GOLM2: variants seen among roughly 807,000 people sequenced by gnomAD.
The protein encoded by GOLM2 is protein GOLM2.
GOLM2 carries 26 observed loss-of-function variants against 55.9 expected under a neutral mutation model. The observed-to-expected ratio is 0.47, with a 90% CI of 0.34 to 0.65. The LOEUF (loss-of-function observed/expected upper bound fraction) is 0.65, where lower values mean the gene tolerates loss of function less well. Ranked by LOEUF, GOLM2 falls within the 30% of genes least tolerant of loss-of-function variation. The probability of loss-of-function intolerance (pLI) is 0.01; values close to 1 mark genes in which losing one functional copy is unlikely to be tolerated. For missense variants in GOLM2, 486 were observed against 531.8 expected (o/e 0.91, Z 0.85); for synonymous variants, 165 against 194.6 (o/e 0.85, Z 1.27).
chr15:44,329,899 CT>C (rs777520089), intron 3 of GOLM2, among the ~76,000 whole-genome samples: 2,177 of 126,900 alleles, frequency 0.017, 17 homozygotes, highest in South Asian at 0.034. Flanking sequence ...GAGAACTTGT[CT>C]TTTTTTTTTT....
intron 8 of GOLM2, among the ~76,000 whole-genome samples, chr15:44,392,774 A>G (rs2079500039): frequency 6.6e-6 from 1 of 152,240 alleles, no homozygotes; most frequent in Non-Finnish European, 1.5e-5. Flanking sequence ...CCACATTAAC[A>G]AAATATATGA....
chr15:44,395,802 T>C (rs1288287936), intron 8 of GOLM2, among the ~76,000 whole-genome samples: 1 of 152,100 alleles, frequency 6.6e-6, no homozygotes, highest in Admixed American at 6.6e-5. Flanking sequence ...ATCACGCTAC[T>C]GCACTCCAGC....
chr15:44,351,403 C>T (rs964398995), intron 6 of GOLM2, among the ~76,000 whole-genome samples: 5 of 151,582 alleles, frequency 3.3e-5, no homozygotes, highest in Admixed American at 1.3e-4. Flanking sequence ...GGTGAAGCCC[C>T]GTCTCTACTA....
At chr15:44,316,979 G>A (rs1269371614) in intron 1 of GOLM2, among the ~76,000 whole-genome samples, 1 of 151,898 alleles carries the variant, frequency 6.6e-6, no homozygotes, top group African/African-American at 2.4e-5. Context: ...GAGGGACCCA[G>A]GCTGAATATA....
intron 6 of GOLM2, among the ~76,000 whole-genome samples, chr15:44,377,125 CA>C (rs1379404491): frequency 2.6e-5 from 4 of 152,082 alleles, no homozygotes; most frequent in African/African-American, 7.2e-5. Flanking sequence ...ATAATCCCAG[CA>C]GTTTGGGAGG....
At chr15:44,394,766 C>T (rs2079513539) in intron 8 of GOLM2, among the ~76,000 whole-genome samples, 1 of 152,152 alleles carries the variant, frequency 6.6e-6, no homozygotes, top group Non-Finnish European at 1.5e-5. Flanking sequence ...TGTCATTTAC[C>T]TTCAGGGTAC....
intron 1 of GOLM2, among the ~76,000 whole-genome samples, chr15:44,298,203 T>C (rs2078771277): frequency 6.6e-6 from 1 of 151,702 alleles, no homozygotes; most frequent in South Asian, 2.1e-4. Context: ...TTCTGATCCA[T>C]GTCCACTATG....
At chr15:44,295,357 G>A (rs961352154) in intron 1 of GOLM2, among the ~76,000 whole-genome samples, 4 of 152,258 alleles carry the variant, frequency 2.6e-5, no homozygotes, top group Admixed American at 2.0e-4. Context: ...TGGATTACAG[G>A]CATGACCCAC....
Position 44,295,917 on chromosome 15 carries a change from T to TACACACACACAC in GOLM2, c.327+6581_327+6592dup, listed in dbSNP as rs71421830. Among the ~76,000 whole-genome samples the TACACACACACAC allele has an allele frequency of 2.3e-3, 331 of 143,140 alleles. 1 individual carries two copies. The highest frequency in any genetic ancestry group is 8.1e-3 in the African/African-American group (314 of 38,842). The allele number at this position is 143,140 out of a possible 152,430, so 93.9% of individuals were successfully genotyped here. A position where few individuals can be genotyped will look rare whatever the true frequency, so the allele number is the denominator to read the frequency against. On this transcript the variant is annotated intron_variant, in intron 1 of 9. Coordinates refer to ENST00000299957, the MANE Select transcript of GOLM2 (RefSeq NM_138423.4). The stretch of plus-strand genomic sequence containing the variant: ...TAGAACAAGGGAGATCCACCACACA[T>TACACACACACAC]ACACACACACACACACACACACACA...
In GOLM2 at chr15:44,398,823, C is replaced by T. The variant is rs555384795; in HGVS notation, c.1073-4064C>T. Reference sequence around the variant, plus strand: ...CTGGGATTACAGCCACCCACCACCACAGCCAGCTAATTTTTTGTATTTTTA... The same window carrying T: ...CTGGGATTACAGCCACCCACCACCATAGCCAGCTAATTTTTTGTATTTTTA... On this transcript the variant is annotated intron_variant, in intron 8 of 9. Coordinates refer to ENST00000299957, the MANE Select transcript of GOLM2 (RefSeq NM_138423.4). Among the ~76,000 whole-genome samples the T allele has an allele frequency of 2.7e-4, 41 of 151,902 alleles. 1 individual carries two copies. The highest frequency in any genetic ancestry group is 1.4e-3 in the East Asian group (7 of 5,172).
At chr15:44,310,476 A>ATG (rs1440839923) in intron 1 of GOLM2, among the ~76,000 whole-genome samples, 3 of 135,260 alleles carry the variant, frequency 2.2e-5, no homozygotes, top group Non-Finnish European at 4.7e-5. Flanking sequence ...ATATGTATAT[A>ATG]TATATATATA....
intron 8 of GOLM2, chr15:44,402,609 TA>T: frequency 3.3e-6 from 1 of 305,926 alleles, no homozygotes; most frequent in Non-Finnish European, 6.1e-6. Flanking sequence ...AAAACATTCC[TA>T]AAAATGGTGC....
intron 6 of GOLM2, among the ~76,000 whole-genome samples, chr15:44,375,074 G>A (rs1217471184): frequency 6.6e-6 from 1 of 152,072 alleles, no homozygotes; most frequent in South Asian, 2.1e-4. Context: ...CTAGAGTGCA[G>A]TGGTGCTATC....
rs773681190 is a variant in GOLM2 at position 44,402,957 on chromosome 15, G to A, written c.1143G>A (p.Gly381=). ...GCTCTAAACTGGCGGATTATAATGG[G>A]GATGATGGTAACGTAGGTGAGTATG... ...QHGSKLADYN[G]DDGNVGEYEA... Residue 381 remains glycine, a synonymous_variant, in exon 9 of 10, where the codon GGG becomes GGA. Coordinates refer to ENST00000299957, the MANE Select transcript of GOLM2 (RefSeq NM_138423.4). 6.8e-6 allele frequency: 11 copies of A among 1,614,008 alleles called. No individual in the cohort carries two copies. In the Admixed American group the frequency reaches 1.8e-4, roughly 27 times the overall value.
chr15:44,383,156 A>G (rs1013997086), intron 8 of GOLM2, among the ~76,000 whole-genome samples: 1 of 151,354 alleles, frequency 6.6e-6, no homozygotes, highest in African/African-American at 2.4e-5. Flanking sequence ...ACATATACAT[A>G]TATTCTATTG....
At chr15:44,360,442 A>C (rs1308334472) in intron 6 of GOLM2, among the ~76,000 whole-genome samples, 2 of 152,166 alleles carry the variant, frequency 1.3e-5, no homozygotes, top group Non-Finnish European at 2.9e-5. Context: ...AACAAAGATC[A>C]AAAGAGACAA....
rs2079012209 is a variant in GOLM2, at chr15:44,330,122, G to C, written c.485+1335G>C. ...AGACGGGCTTTCACCGTATTAGCCA[G>C]GATGGTCTCGATCTCCTGACCTCGT... On this transcript the variant is annotated intron_variant, in intron 3 of 9. Transcript: ENST00000299957. Among the ~76,000 whole-genome samples, 6 of 148,550 alleles carry C rather than the reference G, an allele frequency of 4.0e-5. No individual in the cohort carries two copies. The South Asian group carries it at 1.1e-3, about 26-fold the overall frequency.
At chr15:44,397,431 A>C (rs1241039142) in intron 8 of GOLM2, among the ~76,000 whole-genome samples, 1 of 144,484 alleles carries the variant, frequency 6.9e-6, no homozygotes, top group African/African-American at 2.6e-5. Flanking sequence ...GTGAGCTGAG[A>C]TCGCACCACT....
At chr15:44,319,920 C>T (rs969617121) in intron 1 of GOLM2, among the ~76,000 whole-genome samples, 11 of 152,110 alleles carry the variant, frequency 7.2e-5, no homozygotes, top group Admixed American at 4.6e-4. Flanking sequence ...TAAAAATTGA[C>T]GTATAATTCA....
Sources: gnomAD v4.1 joint callset for allele counts (sites outside exome capture counted in the v4.1 genomes callset) on GRCh38, gnomAD v4.1.1 for gene constraint, MANE v1.5 for transcripts, NCBI Gene and HGNC (gene_info 2026-07-23, HGNC 2026-07-21) for gene names.